NALF1: variants seen among roughly 807,000 people sequenced by gnomAD.
NALF1 encodes family with sequence similarity 155 member A.
Under a neutral mutation model 48.4 loss-of-function variants are expected in NALF1, and 3 were observed. The observed-to-expected ratio is 0.06, with a 90% CI of 0.03 to 0.16. The LOEUF (loss-of-function observed/expected upper bound fraction) is 0.16, where lower values mean the gene tolerates loss of function less well. Ranked by LOEUF, NALF1 falls within the 10% of genes least tolerant of loss-of-function variation. NALF1 has a pLI of 1.00. For missense variants in NALF1, 526 were observed against 571.5 expected (o/e 0.92, Z 0.81); for synonymous variants, 262 against 245.7 (o/e 1.07, Z -0.62).
intron 1 of NALF1, among the ~76,000 whole-genome samples, chr13:107,326,562 A>T (rs1177761322): frequency 6.6e-6 from 1 of 152,214 alleles, no homozygotes. Flanking sequence ...TAGCCAGTAG[A>T]TTAGTCCAGA....
chr13:107,180,106 G>A (rs1326388967), intron 2 of NALF1, among the ~76,000 whole-genome samples: 1 of 150,758 alleles, frequency 6.6e-6, no homozygotes, highest in Non-Finnish European at 1.5e-5. Context: ...TAAATATACA[G>A]ACCTACTATG....
At chr13:107,435,455 G>A (rs1415240568) in intron 1 of NALF1, among the ~76,000 whole-genome samples, 4 of 152,052 alleles carry the variant, frequency 2.6e-5, no homozygotes, top group Non-Finnish European at 1.5e-5. Flanking sequence ...TTCTCTCAGC[G>A]GTGAATCTGT....
intron 1 of NALF1, among the ~76,000 whole-genome samples, chr13:107,528,424 A>G (rs1018813576): frequency 6.6e-6 from 1 of 152,152 alleles, no homozygotes; most frequent in African/African-American, 2.4e-5. Flanking sequence ...GTTCTTTTAG[A>G]TTAAAACATG....
intron 1 of NALF1, among the ~76,000 whole-genome samples, chr13:107,477,822 T>G (rs1439086029): frequency 6.6e-6 from 1 of 152,064 alleles, no homozygotes; most frequent in Non-Finnish European, 1.5e-5. Flanking sequence ...CTGCCAGGTT[T>G]TCAACCCAGG....
intron 1 of NALF1, among the ~76,000 whole-genome samples, chr13:107,501,273 C>T (rs1301009653): frequency 1.3e-5 from 2 of 152,098 alleles, no homozygotes; most frequent in African/African-American, 4.8e-5. Context: ...ACGACACAAA[C>T]ACCCCCTAAA....
Position 107,236,703 on chromosome 13 carries a change from ATCTATCT to A in NALF1, c.916-25955_916-25949del, listed in dbSNP as rs1371974080. 3.3e-5 allele frequency among the ~76,000 whole-genome samples: 5 copies of A among 151,386 alleles called. No homozygotes were observed. In the East Asian group the frequency reaches 7.8e-4, roughly 24 times the overall value. ...TATCTATCTATCTATCTATCTATCT[ATCTATCT>A]ATCTATCTATCTATCTATCTATCTA... On this transcript the variant is annotated intron_variant, in intron 1 of 2. Coordinates refer to ENST00000375915, the MANE Select transcript of NALF1 (RefSeq NM_001080396.3).
intron 1 of NALF1, among the ~76,000 whole-genome samples, chr13:107,619,009 T>C (rs1286343092): frequency 6.6e-6 from 1 of 152,224 alleles, no homozygotes; most frequent in African/African-American, 2.4e-5. Context: ...CAGAACTTAC[T>C]GTGATGATGG....
At chr13:107,744,626 A>G (rs963485764) in intron 1 of NALF1, among the ~76,000 whole-genome samples, 1 of 152,204 alleles carries the variant, frequency 6.6e-6, no homozygotes, top group Non-Finnish European at 1.5e-5. Flanking sequence ...ACATGACCTC[A>G]AAACAACCTT....
chr13:107,624,040 C>T (rs1490038108), intron 1 of NALF1, among the ~76,000 whole-genome samples: 4 of 152,250 alleles, frequency 2.6e-5, no homozygotes, highest in African/African-American at 9.6e-5. Flanking sequence ...CCTATTTGCA[C>T]AGTACTTTAA....
chr13:107,571,415 C>T (rs1877983881), intron 1 of NALF1, among the ~76,000 whole-genome samples: 2 of 152,090 alleles, frequency 1.3e-5, no homozygotes, highest in African/African-American at 4.8e-5. Flanking sequence ...GGAAAGGAAA[C>T]CTCCACAAAA....
At chr13:107,735,644 G>A (rs989087164) in intron 1 of NALF1, among the ~76,000 whole-genome samples, 1 of 152,208 alleles carries the variant, frequency 6.6e-6, no homozygotes, top group Non-Finnish European at 1.5e-5. Flanking sequence ...GTCATGATCA[G>A]AAAAGAATCT....
At chr13:107,181,279 T>C (rs1203307080) in intron 2 of NALF1, among the ~76,000 whole-genome samples, 1 of 151,518 alleles carries the variant, frequency 6.6e-6, no homozygotes, top group Non-Finnish European at 1.5e-5. Flanking sequence ...TTGAATTGAA[T>C]GCCACTTTAC....
intron 1 of NALF1, among the ~76,000 whole-genome samples, chr13:107,331,099 T>C (rs1036149480): frequency 2.0e-5 from 3 of 152,230 alleles, no homozygotes; most frequent in African/African-American, 7.2e-5. Flanking sequence ...GTTTTAAATA[T>C]TCACTTTTTC....
chr13:107,542,701 C>T (rs762228269), intron 1 of NALF1, among the ~76,000 whole-genome samples: 16 of 152,034 alleles, frequency 1.1e-4, no homozygotes, highest in South Asian at 2.1e-4. Flanking sequence ...TAAAACAATA[C>T]GTTAGTAGTT....
chr13:107,691,606 A>T (rs1881570166), intron 1 of NALF1, among the ~76,000 whole-genome samples: 1 of 152,344 alleles, frequency 6.6e-6, no homozygotes, highest in South Asian at 2.1e-4. Context: ...TATTGACAGG[A>T]GCAAGTATCT....
intron 1 of NALF1, among the ~76,000 whole-genome samples, chr13:107,602,882 A>AT (rs1379411372): frequency 2.0e-5 from 3 of 152,192 alleles, no homozygotes; most frequent in African/African-American, 7.2e-5. Context: ...ATATATGTAT[A>AT]TTTAAAATTT....
intron 1 of NALF1, among the ~76,000 whole-genome samples, chr13:107,734,990 T>C (rs1288778226): frequency 6.6e-6 from 1 of 152,106 alleles, no homozygotes; most frequent in Admixed American, 6.6e-5. Flanking sequence ...TAGGAATGCA[T>C]GGGATCAAAG....
At chr13:107,355,019 C>A (rs533687515) in intron 1 of NALF1, among the ~76,000 whole-genome samples, 95 of 152,316 alleles carry the variant, frequency 6.2e-4, no homozygotes, top group African/African-American at 2.1e-3. Flanking sequence ...GGATTTGAGA[C>A]CTTCAAGCCA....
At chr13:107,825,309 T>TATA (rs1258346718) in intron 1 of NALF1, among the ~76,000 whole-genome samples, 1 of 152,236 alleles carries the variant, frequency 6.6e-6, no homozygotes, top group Admixed American at 6.5e-5. Context: ...CTTGTGTCTC[T>TATA]ATATAATTTT....
Sources: gnomAD v4.1 joint callset for allele counts (sites outside exome capture counted in the v4.1 genomes callset) on GRCh38, gnomAD v4.1.1 for gene constraint, MANE v1.5 for transcripts, NCBI Gene and HGNC (gene_info 2026-07-23, HGNC 2026-07-21) for gene names.